Variants in LRRC37A2 observed in about 807,000 individuals in gnomAD.
LRRC37A2 encodes the protein leucine-rich repeat-containing protein 37A2.
In LRRC37A2, 9 loss-of-function variants were observed where a neutral mutation model predicts 68.8. The ratio of observed to expected loss-of-function variants is 0.13; its 90% CI spans 0.08 to 0.23. LRRC37A2 has a LOEUF of 0.23. Among genes scored for constraint, LRRC37A2 ranks in the 10% least tolerant of loss-of-function variants. The probability of loss-of-function intolerance (pLI) is 1.00; values close to 1 mark genes in which losing one functional copy is unlikely to be tolerated. For synonymous variants in LRRC37A2, 63 were observed against 367.6 expected (o/e 0.17, Z 9.48); for missense variants, 168 against 950.4 (o/e 0.18, Z 10.82).
the LRRC37A2 span, among the ~76,000 whole-genome samples, chr17:46,998,112 T>A: frequency 6.6e-6 from 1 of 152,204 alleles, no homozygotes; most frequent in South Asian, 2.1e-4. Context: ...TAGAAAATGC[T>A]TTCTGACATA....
chr17:46,885,112 CTGAG>C, the LRRC37A2 span: 1 of 424,558 alleles, frequency 2.4e-6, no homozygotes, highest in Non-Finnish European at 4.7e-6. Context: ...TCTCAGCTGC[CTGAG>C]TAACTGGGAT....
chr17:46,922,948 T>G, the LRRC37A2 span: 3 of 586,400 alleles, frequency 5.1e-6, 1 homozygote, highest in Admixed American at 9.0e-5. Flanking sequence ...TCAGCGAACA[T>G]GTACACCGCC....
intron 2 of LRRC37A2, among the ~76,000 whole-genome samples, chr17:46,516,250 C>G (rs566616914): frequency 1.5e-5 from 2 of 135,098 alleles, no homozygotes; most frequent in Admixed American, 1.6e-4. Context: ...TTGCAGTGAG[C>G]CGAGATTGCA....
the LRRC37A2 span, among the ~76,000 whole-genome samples, chr17:47,015,299 C>A: frequency 6.6e-6 from 1 of 152,168 alleles, no homozygotes; most frequent in Admixed American, 6.5e-5. Flanking sequence ...TGAGCCACTG[C>A]GCCCAGGCCC....
the LRRC37A2 span, among the ~76,000 whole-genome samples, chr17:46,789,836 T>G: frequency 6.6e-6 from 1 of 152,204 alleles, no homozygotes; most frequent in African/African-American, 2.4e-5. Flanking sequence ...AGCTGCAGGT[T>G]GGGAGGCCTC....
At chr17:46,720,965 G>T in the LRRC37A2 span, among the ~76,000 whole-genome samples, 1 of 152,168 alleles carries the variant, frequency 6.6e-6, no homozygotes, top group Non-Finnish European at 1.5e-5. Context: ...AGACTCTGGA[G>T]CCCGTAGCTG....
the LRRC37A2 span, among the ~76,000 whole-genome samples, chr17:46,466,723 C>CCTCA: frequency 3.9e-3 from 380 of 96,708 alleles, 35 homozygotes; most frequent in African/African-American, 0.014. Context: ...GTGAACAGTG[C>CCTCA]CTCAATAAAC....
At chr17:46,936,765 T>C in the LRRC37A2 span, 1 of 983,460 alleles carries the variant, frequency 1.0e-6, no homozygotes, top group Non-Finnish European at 1.2e-6. Context: ...TCTGATTGTA[T>C]TGTCACTATC....
At chr17:47,028,915 A>G in the LRRC37A2 span, among the ~76,000 whole-genome samples, 2 of 150,958 alleles carry the variant, frequency 1.3e-5, no homozygotes, top group African/African-American at 2.4e-5. Flanking sequence ...ATGGTGGCTC[A>G]TGCCTGTAAT....
chr17:46,806,598 A>T, the LRRC37A2 span, among the ~76,000 whole-genome samples: 1 of 152,194 alleles, frequency 6.6e-6, no homozygotes, highest in African/African-American at 2.4e-5. Context: ...GAGGTCACAG[A>T]CTCCATCCTT....
At chr17:46,929,681 A>G in the LRRC37A2 span, 22 of 740,082 alleles carry the variant, frequency 3.0e-5, no homozygotes, top group East Asian at 1.8e-4. Flanking sequence ...GGGCTTAATG[A>G]TTCAGCGTGG....
the LRRC37A2 span, among the ~76,000 whole-genome samples, chr17:47,029,484 C>T: frequency 3.3e-5 from 5 of 152,272 alleles, no homozygotes; most frequent in Non-Finnish European, 4.4e-5. Flanking sequence ...AGACTTTCCA[C>T]CTGCCTTGTG....
At chr17:46,742,908 T>A in the LRRC37A2 span, among the ~76,000 whole-genome samples, 5 of 151,926 alleles carry the variant, frequency 3.3e-5, no homozygotes, top group Non-Finnish European at 7.4e-5. Context: ...ATATGAAAAA[T>A]TATTCCTATT....
the LRRC37A2 span, among the ~76,000 whole-genome samples, chr17:46,760,009 A>T: frequency 3.0e-4 from 45 of 152,222 alleles, no homozygotes; most frequent in African/African-American, 9.9e-4. Context: ...TGGCTCACCC[A>T]GTAATCCCAA....
At chr17:47,010,992 G>C in the LRRC37A2 span, among the ~76,000 whole-genome samples, 1 of 152,146 alleles carries the variant, frequency 6.6e-6, no homozygotes, top group Non-Finnish European at 1.5e-5. Flanking sequence ...ATCAGCTCTA[G>C]GGGTAGGAGG....
At chr17:46,497,450 T>G in the LRRC37A2 span, among the ~76,000 whole-genome samples, 1 of 136,588 alleles carries the variant, frequency 7.3e-6, no homozygotes, top group African/African-American at 2.8e-5. Context: ...CTTTTGGTTA[T>G]ATCTGTGCTG....
the LRRC37A2 span, among the ~76,000 whole-genome samples, chr17:46,746,635 C>G: frequency 6.6e-6 from 1 of 152,000 alleles, no homozygotes. Flanking sequence ...ATTCCTTTTT[C>G]ATTTTCCAAG....
the LRRC37A2 span, among the ~76,000 whole-genome samples, chr17:46,777,546 T>C: frequency 5.2e-5 from 8 of 152,394 alleles, 1 homozygote; most frequent in South Asian, 6.2e-4. Flanking sequence ...CCCTTCCTGC[T>C]GTGCAGACGC....
the LRRC37A2 span, chr17:46,978,945 G>A: frequency 2.1e-6 from 3 of 1,454,912 alleles, no homozygotes; most frequent in Admixed American, 2.7e-5. Flanking sequence ...GGGCGGCCCC[G>A]GCGCCGCCGC....
Sources: gnomAD v4.1 joint callset for allele counts (sites outside exome capture counted in the v4.1 genomes callset) on GRCh38, gnomAD v4.1.1 for gene constraint, MANE v1.5 for transcripts, NCBI Gene and HGNC (gene_info 2026-07-23, HGNC 2026-07-21) for gene names.